The following FSTL4 variants were observed in gnomAD, a reference collection of about 807,000 sequenced individuals.
FSTL4 encodes the protein follistatin like 4.
A neutral mutation model predicts 78.2 loss-of-function variants in FSTL4; 28 were observed. The observed-to-expected ratio is 0.36, with a 90% CI of 0.27 to 0.49. The LOEUF is 0.49. FSTL4 is among the 20% of genes least tolerant of loss of function. FSTL4 has a pLI of 0.98. For missense variants in FSTL4, 922 were observed against 1,084.9 expected (o/e 0.85, Z 2.11); for synonymous variants, 422 against 440.5 (o/e 0.96, Z 0.53).
At chr5:133,462,901 C>T (rs1475376737) in intron 3 of FSTL4, among the ~76,000 whole-genome samples, 1 of 152,200 alleles carries the variant, frequency 6.6e-6, no homozygotes, top group Non-Finnish European at 1.5e-5. Context: ...CCTGACACCA[C>T]ACTCAGTTTC....
At chr5:133,335,354 A>G (rs917508961) in intron 4 of FSTL4, among the ~76,000 whole-genome samples, 8 of 152,008 alleles carry the variant, frequency 5.3e-5, no homozygotes, top group African/African-American at 1.9e-4. Flanking sequence ...TTGAGGACTG[A>G]AGTATGGACT....
chr5:133,523,807 T>C (rs1025678613), intron 3 of FSTL4, among the ~76,000 whole-genome samples: 7 of 152,248 alleles, frequency 4.6e-5, no homozygotes, highest in Non-Finnish European at 1.0e-4. Flanking sequence ...TTTATTACAA[T>C]TGTAAATTTG....
At chr5:133,232,057 T>C (rs1333530086) in intron 8 of FSTL4, among the ~76,000 whole-genome samples, 1 of 152,188 alleles carries the variant, frequency 6.6e-6, no homozygotes, top group Non-Finnish European at 1.5e-5. Context: ...GTCTGAACTG[T>C]GGGGAGGTCA....
chr5:133,366,175 G>C (rs1375015211), intron 4 of FSTL4, among the ~76,000 whole-genome samples: 4 of 152,202 alleles, frequency 2.6e-5, no homozygotes, highest in Non-Finnish European at 5.9e-5. Context: ...CAGGGCCTTT[G>C]CACTTGCTGA....
chr5:133,220,295 C>G (rs1218520401), intron 12 of FSTL4, among the ~76,000 whole-genome samples: 2 of 152,248 alleles, frequency 1.3e-5, no homozygotes, highest in African/African-American at 4.8e-5. Context: ...GGGGCCACAG[C>G]CCTGGGGGAG....
the FSTL4 span, among the ~76,000 whole-genome samples, chr5:133,662,840 G>T: frequency 6.6e-6 from 1 of 152,058 alleles, no homozygotes. Context: ...TAAGCCAAAG[G>T]TTTACTCATT....
the FSTL4 span, among the ~76,000 whole-genome samples, chr5:133,678,191 G>A: frequency 6.6e-6 from 1 of 152,222 alleles, no homozygotes; most frequent in African/African-American, 2.4e-5. Flanking sequence ...AATACATGTA[G>A]ATGATGTTGG....
At chr5:133,821,591 G>A in the FSTL4 span, among the ~76,000 whole-genome samples, 268 of 152,302 alleles carry the variant, frequency 1.8e-3, 3 homozygotes, top group Non-Finnish European at 3.3e-3. Flanking sequence ...CAGTGTGTGT[G>A]CTCAGGGGTG....
At chr5:133,792,706 G>T in the FSTL4 span, among the ~76,000 whole-genome samples, 2 of 152,222 alleles carry the variant, frequency 1.3e-5, no homozygotes, top group African/African-American at 4.8e-5. Flanking sequence ...CTTCCCAGAG[G>T]AGAATGCAGT....
chr5:133,613,734 AATCGT>A (rs1439089666), upstream of FSTL4, among the ~76,000 whole-genome samples: 1 of 152,208 alleles, frequency 6.6e-6, no homozygotes, highest in Admixed American at 6.5e-5. Context: ...ATGCAGAGCC[AATCGT>A]ATCTCTACTG....
Position 133,199,426 on chromosome 5 carries a change from C to T in FSTL4, c.2198G>A (p.Gly733Asp), listed in dbSNP as rs1750248286. 6.2e-7 allele frequency: 1 copy of T among 1,614,194 alleles called. No homozygotes were observed. Among genetic ancestry groups the T allele is most frequent in the Non-Finnish European group, 8.5e-7 (1 of 1,180,028 alleles). ...GCGCTGGAAGGCCAAGTCTGAGATGCCCGAGTTTATTTGCAGGTCATACAG... is the reference window on the plus strand; with the variant it reads ...GCGCTGGAAGGCCAAGTCTGAGATGTCCGAGTTTATTTGCAGGTCATACAG... ...QTLYDLQINSGISDLAFQRSF... is the reference protein window; with the variant it reads ...QTLYDLQINSDISDLAFQRSF... Residue 733 changes from glycine to aspartate, a missense_variant, in exon 16 of 16, where the codon GGC becomes GAC. Transcript: ENST00000265342. This position sits in a 1 kb window ranked among gnomAD's most constrained non-coding sequence, Gnocchi z 4.4.
At chr5:133,677,730 G>A in the FSTL4 span, among the ~76,000 whole-genome samples, 21 of 152,148 alleles carry the variant, frequency 1.4e-4, no homozygotes, top group African/African-American at 1.9e-4. Flanking sequence ...AGGGACTTTC[G>A]TCAAGTTGCT....
chr5:133,696,751 G>A, the FSTL4 span, among the ~76,000 whole-genome samples: 2 of 152,264 alleles, frequency 1.3e-5, no homozygotes, highest in African/African-American at 4.8e-5. Flanking sequence ...GGAAGCCCCA[G>A]TGGGCAGCCC....
chr5:133,207,520 TAC>T (rs1171212537), intron 14 of FSTL4, among the ~76,000 whole-genome samples: 1 of 152,390 alleles, frequency 6.6e-6, no homozygotes, highest in African/African-American at 2.4e-5. Flanking sequence ...TCATATTTGA[TAC>T]GAGATATTCA....
chr5:133,831,712 A>T, the FSTL4 span, among the ~76,000 whole-genome samples: 1 of 152,372 alleles, frequency 6.6e-6, no homozygotes, highest in South Asian at 2.1e-4. Flanking sequence ...GGGATGATTC[A>T]TTATGAAGAA....
intron 7 of FSTL4, among the ~76,000 whole-genome samples, chr5:133,235,211 A>G (rs1751619431): frequency 6.6e-6 from 1 of 152,166 alleles, no homozygotes; most frequent in South Asian, 2.1e-4. Context: ...CGGGCATGGT[A>G]GCTCATGCCT....
At chr5:133,395,434 T>A (rs1019407007) in intron 4 of FSTL4, among the ~76,000 whole-genome samples, 1 of 151,998 alleles carries the variant, frequency 6.6e-6, no homozygotes, top group Admixed American at 6.5e-5. Context: ...TCTGAACACG[T>A]CCAAACATCA....
At chr5:133,317,154 A>G (rs1276724164) in intron 4 of FSTL4, among the ~76,000 whole-genome samples, 2 of 152,146 alleles carry the variant, frequency 1.3e-5, no homozygotes. Context: ...ACCCTCCCAG[A>G]GCTGGATTAC....
chr5:133,515,383 A>C (rs428050), intron 3 of FSTL4, among the ~76,000 whole-genome samples: 102,389 of 150,762 alleles, frequency 0.68, 35,010 homozygotes, highest in East Asian at 0.81. Context: ...CAAAGTGAGA[A>C]CCCCATCTCT....
Sources: allele counts gnomAD v4.1 joint callset (sites outside exome capture counted in the v4.1 genomes callset), GRCh38; gene constraint gnomAD v4.1.1; non-coding constraint Gnocchi (gnomAD v3.1); transcripts MANE v1.5; gene names NCBI Gene and HGNC (gene_info 2026-07-23, HGNC 2026-07-21).